Variants in PTPN11 observed in about 807,000 individuals in gnomAD.
The protein encoded by PTPN11 is protein tyrosine phosphatase non-receptor type 11.
In PTPN11, 6 loss-of-function variants were observed where a neutral mutation model predicts 78.8. The ratio of observed to expected loss-of-function variants is 0.08; its 90% CI spans 0.04 to 0.15. The LOEUF is 0.15. Ranked by LOEUF, PTPN11 falls within the 10% of genes least tolerant of loss-of-function variation. The pLI, the probability that PTPN11 is intolerant of heterozygous loss-of-function variation, is 1.00. For missense variants in PTPN11, 386 were observed against 744.8 expected (o/e 0.52, Z 5.61); for synonymous variants, 221 against 263.5 (o/e 0.84, Z 1.56).
chr12:112,486,931 G>C, intron 11 of PTPN11: 1 of 1,353,616 alleles, frequency 7.4e-7, no homozygotes. Context: ...TGGCTCTGCA[G>C]TTTCTCCTTA....
chr12:112,427,342 C>T (rs930173903), intron 1 of PTPN11, among the ~76,000 whole-genome samples: 1 of 151,668 alleles, frequency 6.6e-6, no homozygotes, highest in African/African-American at 2.4e-5. Context: ...GTCAGGAGAT[C>T]GAGACCATCC....
At chr12:112,488,294 TGCCAACA>T in intron 11 of PTPN11, 142 bp from the exon 12 acceptor site, 2 of 802,568 alleles carry the variant, frequency 2.5e-6, no homozygotes, top group Admixed American at 1.9e-5. Flanking sequence ...CTATGCTTTT[TGCCAACA>T]TATTTTCAAA....
At chr12:112,500,949 G>C (rs2038867596) in intron 13 of PTPN11, among the ~76,000 whole-genome samples, 1 of 149,980 alleles carries the variant, frequency 6.7e-6, no homozygotes. Context: ...TTGTTGCCCA[G>C]GCCAGAGTGC....
chr12:112,480,597 T>A (rs959157714), intron 9 of PTPN11, among the ~76,000 whole-genome samples: 4 of 152,114 alleles, frequency 2.6e-5, no homozygotes, highest in Non-Finnish European at 4.4e-5. Flanking sequence ...ACTCCTGGCC[T>A]CAAGTGATCC....
rs1468391723 is a variant in PTPN11 at position 112,500,192 on chromosome 12, G to A, written c.1600-1952G>A. On this transcript the variant is annotated intron_variant, in intron 13 of 15. Coordinates refer to ENST00000351677, the MANE Select transcript of PTPN11 (RefSeq NM_002834.5). The stretch of plus-strand genomic sequence containing the variant: ...TGGGAGGCAGAGGCTACAGTGAGCC[G>A]AGATCACACCACTGCACTCCAGCCT... Among the ~76,000 whole-genome samples the A allele has an allele frequency of 2.6e-5, 4 of 151,584 alleles. No homozygotes were observed. The East Asian group carries it at 5.8e-4, about 22-fold the overall frequency.
intron 1 of PTPN11, among the ~76,000 whole-genome samples, chr12:112,439,018 A>G (rs1178559833): frequency 6.6e-6 from 1 of 152,210 alleles, no homozygotes; most frequent in African/African-American, 2.4e-5. Context: ...CTGAAAGTCC[A>G]GGCACTCTTC....
chr12:112,493,300 C>T (rs1373072232), intron 13 of PTPN11, among the ~76,000 whole-genome samples: 2 of 152,052 alleles, frequency 1.3e-5, no homozygotes, highest in Non-Finnish European at 2.9e-5. Context: ...CTCAAATGAT[C>T]CTCCCGTCTC....
intron 9 of PTPN11, among the ~76,000 whole-genome samples, chr12:112,481,462 T>C (rs188371594): frequency 1.3e-5 from 2 of 152,208 alleles, no homozygotes; most frequent in African/African-American, 4.8e-5. Flanking sequence ...CACTTCTGCC[T>C]GGTCTTCCAA....
intron 7 of PTPN11, among the ~76,000 whole-genome samples, chr12:112,476,303 GC>G (rs1372167859): frequency 6.6e-6 from 1 of 152,008 alleles, no homozygotes; most frequent in Non-Finnish European, 1.5e-5. Context: ...GGAGTCTGAA[GC>G]AAAAAAGACA....
intron 9 of PTPN11, among the ~76,000 whole-genome samples, chr12:112,478,715 T>C (rs1214044842): frequency 1.3e-5 from 2 of 152,132 alleles, no homozygotes; most frequent in Non-Finnish European, 2.9e-5. Flanking sequence ...ACCTTTTGAA[T>C]GTATGGAGTA....
chr12:112,443,193 A>G (rs1412585020), intron 1 of PTPN11, among the ~76,000 whole-genome samples: 1 of 151,924 alleles, frequency 6.6e-6, no homozygotes, highest in Non-Finnish European at 1.5e-5. Context: ...TCCTTATAGC[A>G]AAAGACAAAA....
chr12:112,445,412 G>A (rs1307312101), intron 1 of PTPN11, among the ~76,000 whole-genome samples: 1 of 152,078 alleles, frequency 6.6e-6, no homozygotes, highest in African/African-American at 2.4e-5. Context: ...GATTATAGGC[G>A]TGAGCCACTG....
intron 5 of PTPN11, 33 bp from the exon 6 acceptor site, chr12:112,455,917 C>G (rs754356317): frequency 2.4e-5 from 18 of 759,200 alleles, no homozygotes; most frequent in Non-Finnish European, 3.3e-5. Context: ...GTAATATTTT[C>G]TTTATTTTAC....
At chr12:112,502,990 G>A (rs1181424170) in intron 14 of PTPN11, among the ~76,000 whole-genome samples, 2 of 152,176 alleles carry the variant, frequency 1.3e-5, no homozygotes, top group African/African-American at 4.8e-5. Flanking sequence ...CTGCTCATTT[G>A]CCACCAGTCA....
intron 1 of PTPN11, among the ~76,000 whole-genome samples, chr12:112,438,208 C>T (rs1037044359): frequency 1.3e-5 from 2 of 152,148 alleles, no homozygotes; most frequent in Non-Finnish European, 2.9e-5. Flanking sequence ...GTTGAGCAGT[C>T]ACTCACTGAC....
intron 1 of PTPN11, among the ~76,000 whole-genome samples, chr12:112,439,360 T>G (rs1387113963): frequency 6.6e-6 from 1 of 152,066 alleles, no homozygotes; most frequent in Non-Finnish European, 1.5e-5. Flanking sequence ...GTGGTGTGAT[T>G]TCAGCTCACT....
At chr12:112,441,031 C>T (rs905838311) in intron 1 of PTPN11, among the ~76,000 whole-genome samples, 27 of 140,584 alleles carry the variant, frequency 1.9e-4, no homozygotes, top group Middle Eastern at 4.4e-3. Flanking sequence ...TGGTGGCGAT[C>T]TTGGCTCACC....
At chr12:112,470,383 C>G (rs1301721915) in intron 6 of PTPN11, among the ~76,000 whole-genome samples, 1 of 152,218 alleles carries the variant, frequency 6.6e-6, no homozygotes, top group Non-Finnish European at 1.5e-5. Flanking sequence ...TTGACCCTCA[C>G]CCCGCCCCTT....
At chr12:112,445,346 G>C (rs2037976461) in intron 1 of PTPN11, among the ~76,000 whole-genome samples, 2 of 152,230 alleles carry the variant, frequency 1.3e-5, no homozygotes, top group African/African-American at 4.8e-5. Flanking sequence ...TGGCCAGGAT[G>C]GTCTTGAACT....
Sources: allele counts gnomAD v4.1 joint callset (sites outside exome capture counted in the v4.1 genomes callset), GRCh38; gene constraint gnomAD v4.1.1; transcripts MANE v1.5; gene names NCBI Gene and HGNC (gene_info 2026-07-23, HGNC 2026-07-21).